MRTFA: variants seen among roughly 807,000 people sequenced by gnomAD.
MRTFA encodes myocardin-related transcription factor A.
MRTFA carries 20 observed loss-of-function variants against 83.5 expected under a neutral mutation model. That is an observed-to-expected ratio of 0.24 (90% confidence interval 0.17 to 0.35). MRTFA has a LOEUF of 0.35. Among genes scored for constraint, MRTFA ranks in the 10% least tolerant of loss-of-function variants. MRTFA has a pLI of 1.00. For missense variants in MRTFA, 1,200 were observed against 1,224.7 expected (o/e 0.98, Z 0.30); for synonymous variants, 659 against 541.2 (o/e 1.22, Z -3.02).
intron 4 of MRTFA, among the ~76,000 whole-genome samples, chr22:40,452,521 A>T (rs1301681329): frequency 6.6e-6 from 1 of 152,162 alleles, no homozygotes; most frequent in Non-Finnish European, 1.5e-5. Context: ...ACAAGAACTC[A>T]TATCAAAAAG....
chr22:40,494,200 A>G (rs1198914653), intron 3 of MRTFA, among the ~76,000 whole-genome samples: 4 of 152,212 alleles, frequency 2.6e-5, no homozygotes, highest in Non-Finnish European at 4.4e-5. Context: ...TGAAATAAAA[A>G]TAAACTCAAA....
intron 3 of MRTFA, among the ~76,000 whole-genome samples, chr22:40,549,065 TC>T (rs2055408879): frequency 6.6e-6 from 1 of 152,056 alleles, no homozygotes; most frequent in Non-Finnish European, 1.5e-5. Context: ...ACCCACTGTT[TC>T]TGTTTGTTTT....
At chr22:40,480,023 T>A (rs1326372548) in intron 3 of MRTFA, among the ~76,000 whole-genome samples, 3 of 152,152 alleles carry the variant, frequency 2.0e-5, no homozygotes, top group Non-Finnish European at 4.4e-5. Flanking sequence ...CTCTATATTG[T>A]GTAATAACTT....
chr22:40,469,548 C>A (rs1360122795), intron 3 of MRTFA, among the ~76,000 whole-genome samples: 3 of 152,110 alleles, frequency 2.0e-5, no homozygotes, highest in African/African-American at 7.2e-5. Context: ...GCCTCATGTA[C>A]CCCTTTTAGC....
intron 4 of MRTFA, among the ~76,000 whole-genome samples, chr22:40,455,813 TATG>T: frequency 6.7e-6 from 1 of 149,718 alleles, no homozygotes; most frequent in Non-Finnish European, 1.5e-5. Flanking sequence ...AGTATGTATG[TATG>T]TATGTATGTA....
At chr22:40,489,663 A>G (rs1223558389) in intron 3 of MRTFA, among the ~76,000 whole-genome samples, 1 of 152,060 alleles carries the variant, frequency 6.6e-6, no homozygotes, top group Non-Finnish European at 1.5e-5. Flanking sequence ...ATTCTAAATG[A>G]AAGGTTCTAA....
chr22:40,497,898 C>G (rs1040682980), intron 3 of MRTFA, among the ~76,000 whole-genome samples: 19 of 152,154 alleles, frequency 1.2e-4, no homozygotes, highest in Admixed American at 5.9e-4. Context: ...CTTTGGGAGG[C>G]CAAGGCTGGT....
intron 3 of MRTFA, among the ~76,000 whole-genome samples, chr22:40,497,746 C>CAA (rs760962517): frequency 7.1e-6 from 1 of 140,902 alleles, no homozygotes; most frequent in Non-Finnish European, 1.6e-5. Flanking sequence ...GAGACTGTCT[C>CAA]AAAAAAAAAA....
In MRTFA at chr22:40,424,365, A is replaced by G; in HGVS notation, c.618T>C (p.Tyr206=). The change falls in exon 8 of 15, where the codon TAT becomes TAC. Residue 206 remains tyrosine, a synonymous_variant. Transcript: ENST00000355630. ...AGGAAGAGCTGTCTGCTACTTTGGGATAGTTCACCTGGCCCACTGAAACCC... is the reference window on the plus strand; with the variant it reads ...AGGAAGAGCTGTCTGCTACTTTGGGGTAGTTCACCTGGCCCACTGAAACCC... The G allele has an allele frequency of 6.2e-7, 1 of 1,613,442 alleles. No individual in the cohort carries two copies. Among genetic ancestry groups the G allele is most frequent in the Non-Finnish European group, 8.5e-7 (1 of 1,179,700 alleles).
chr22:40,563,886 A>C (rs1271628948), intron 2 of MRTFA, among the ~76,000 whole-genome samples: 1 of 152,222 alleles, frequency 6.6e-6, no homozygotes, highest in Non-Finnish European at 1.5e-5. Context: ...ATGGCAGTGG[A>C]GTTAGACTGG....
chr22:40,431,575 T>A, intron 5 of MRTFA, 95 bp from the exon 6 acceptor site: 1 of 1,140,168 alleles, frequency 8.8e-7, no homozygotes, highest in Non-Finnish European at 1.3e-6. Context: ...TGGTAGCTGC[T>A]GACCACCTCT....
At position 40,411,533 on chromosome 22, in the gene MRTFA, G is replaced by A. The variant is rs1268221190; in HGVS notation, c.2953C>T (p.Leu985=). ...AGCTCCAGCCAGTCCATGCTGTCCA[G>A]GTGGCCATCAGCCAGGTCCAGGCCC... The change falls in exon 15 of 15, where the codon CTG becomes TTG. Residue 985 remains leucine (L), a synonymous_variant. Transcript: ENST00000355630. 3.1e-6 allele frequency: 5 copies of A among 1,613,310 alleles called. No individual in the cohort carries two copies. The highest frequency in any genetic ancestry group is 2.7e-5 in the African/African-American group (2 of 74,930).
rs183231431 is a variant in MRTFA at position 40,625,983 on chromosome 22, A to T, written c.-84+10495T>A. Among the ~76,000 whole-genome samples, 48 of 152,028 alleles carry T rather than the reference A, an allele frequency of 3.2e-4. No homozygotes were observed. In the East Asian group the frequency reaches 8.5e-3, roughly 27 times the overall value. On this transcript the variant is annotated intron_variant, in intron 1 of 14. Transcript: ENST00000355630. ...ACATAAACAATGGACAAAAAAGAAA[A>T]TAACCCTTACTTTTTTTTTTGAAAG...
chr22:40,596,265 GAAGA>G (rs1391598771), intron 1 of MRTFA, among the ~76,000 whole-genome samples: 4 of 152,234 alleles, frequency 2.6e-5, no homozygotes, highest in South Asian at 4.2e-4. Context: ...TCAGTTGGAA[GAAGA>G]AAGAAAGATA....
intron 4 of MRTFA, among the ~76,000 whole-genome samples, chr22:40,459,782 TACACACACACACACACACAC>T (rs745698441): frequency 4.5e-4 from 40 of 88,914 alleles, no homozygotes; most frequent in African/African-American, 1.1e-3. Flanking sequence ...TGATAAAATA[TACACACACACACACACACAC>T]ACACACACAC....
chr22:40,540,075 A>G (rs2055264263), intron 3 of MRTFA, among the ~76,000 whole-genome samples: 1 of 151,446 alleles, frequency 6.6e-6, no homozygotes, highest in African/African-American at 2.4e-5. Flanking sequence ...ATACTCAGCT[A>G]ATATTTAAAA....
At chr22:40,516,503 A>G (rs918667834) in intron 3 of MRTFA, among the ~76,000 whole-genome samples, 11 of 151,994 alleles carry the variant, frequency 7.2e-5, no homozygotes, top group African/African-American at 2.4e-4. Flanking sequence ...GAAGAGAATA[A>G]GCAAGGGAAC....
intron 3 of MRTFA, among the ~76,000 whole-genome samples, chr22:40,544,970 T>C (rs745895504): frequency 1.0e-4 from 15 of 150,500 alleles, no homozygotes; most frequent in East Asian, 5.8e-4. Context: ...TATATATATA[T>C]ACACATAAAA....
chr22:40,426,090 C>A (rs1203403273), intron 7 of MRTFA, among the ~76,000 whole-genome samples: 17 of 152,128 alleles, frequency 1.1e-4, no homozygotes. Flanking sequence ...AACTGAGGGG[C>A]CTGGAGGAAG....
Sources: gnomAD v4.1 joint callset for allele counts (sites outside exome capture counted in the v4.1 genomes callset) on GRCh38, gnomAD v4.1.1 for gene constraint, MANE v1.5 for transcripts, NCBI Gene and HGNC (gene_info 2026-07-23, HGNC 2026-07-21) for gene names.